Variants in RAB33B observed in about 807,000 individuals in gnomAD.
RAB33B encodes the protein ras-related protein Rab-33B.
Under a neutral mutation model 15.0 loss-of-function variants are expected in RAB33B, and 6 were observed. That is an observed-to-expected ratio of 0.40 (90% CI 0.22 to 0.79). RAB33B has a LOEUF of 0.79. RAB33B is among the 30% of genes least tolerant of loss of function. The probability of loss-of-function intolerance (pLI) is 0.37; values close to 1 mark genes in which losing one functional copy is unlikely to be tolerated. For synonymous variants in RAB33B, 117 were observed against 108.3 expected (o/e 1.08, Z -0.50); for missense variants, 257 against 296.4 (o/e 0.87, Z 0.98).
upstream of RAB33B, chr4:139,452,223 T>C (rs764652502): frequency 2.6e-5 from 4 of 152,252 alleles, no homozygotes; most frequent in Non-Finnish European, 5.9e-5. Flanking sequence ...CAGTCAGTAG[T>C]CAAGAGTTGG....
rs1313626293 is a variant in RAB33B at position 139,454,210 on chromosome 4, G to A, written c.15G>A (p.Met5Ile). 1 of 1,612,870 alleles carries A rather than the reference G, an allele frequency of 6.2e-7. No homozygotes were observed. Among genetic ancestry groups the A allele is most frequent in the Non-Finnish European group, 8.5e-7 (1 of 1,179,336 alleles). ...GGGTCGGGGGAATGGCTGAGGAGAT[G>A]GAGTCGTCGCTCGAGGCAAGCTTTT... MAEEMESSLEASFSS... is the reference protein window; with the variant it reads MAEEIESSLEASFSS... Residue 5 changes from methionine (M) to isoleucine (I), a missense_variant, in exon 1 of 2, where the codon ATG (methionine) becomes ATA (isoleucine). Physicochemically the swap from Met to Ile is conservative, Grantham distance 10. Coordinates refer to ENST00000305626, the MANE Select transcript of RAB33B (RefSeq NM_031296.3).
chr4:139,459,358 C>T (rs925082442), intron 1 of RAB33B, among the ~76,000 whole-genome samples: 1 of 152,084 alleles, frequency 6.6e-6, no homozygotes, highest in Non-Finnish European at 1.5e-5. Context: ...ATTGCTTGAG[C>T]CCAGGAGTTG....
At chr4:139,443,442 T>G in the RAB33B span, among the ~76,000 whole-genome samples, 2 of 152,216 alleles carry the variant, frequency 1.3e-5, no homozygotes, top group African/African-American at 2.4e-5. Context: ...TGGTTGGTTG[T>G]TCCTAAGTTC....
At chr4:139,464,400 T>G (rs527360570) in intron 1 of RAB33B, among the ~76,000 whole-genome samples, 9 of 149,482 alleles carry the variant, frequency 6.0e-5, no homozygotes, top group South Asian at 2.1e-4. Flanking sequence ...TTTTTTTTTT[T>G]TTTTTTTTTT....
chr4:139,458,779 A>G (rs934992921), intron 1 of RAB33B, among the ~76,000 whole-genome samples: 1 of 152,210 alleles, frequency 6.6e-6, no homozygotes, highest in Non-Finnish European at 1.5e-5. Context: ...ATACCCAATA[A>G]TGGGATTGCT....
At chr4:139,460,948 C>T (rs114608575) in intron 1 of RAB33B, among the ~76,000 whole-genome samples, 67 of 152,174 alleles carry the variant, frequency 4.4e-4, no homozygotes, top group African/African-American at 1.4e-3. Context: ...CTTACGAAGA[C>T]GAAGAAGGCA....
In RAB33B at chr4:139,472,882, A is replaced by T. The variant is rs1750417036; in HGVS notation, c.446A>T (p.Lys149Ile). The T allele has an allele frequency of 6.2e-7, 1 of 1,614,102 alleles. No homozygotes were observed. Among genetic ancestry groups the T allele is most frequent in the Non-Finnish European group, 8.5e-7 (1 of 1,180,048 alleles). Residue 149 changes from lysine (K) to isoleucine (I), a missense_variant, in exon 2 of 2, where the codon AAA becomes ATA. Transcript: ENST00000305626. ...NDIPRILVGN[K>I]CDLRSAIQVP... ...ATACCACGGATTCTTGTTGGAAATA[A>T]ATGTGACTTGAGAAGTGCCATACAG...
upstream of RAB33B, chr4:139,454,065 C>A (rs1579171422): frequency 1.8e-6 from 2 of 1,103,880 alleles, no homozygotes; most frequent in Non-Finnish European, 1.3e-6. Flanking sequence ...GCGCTCGGGG[C>A]TGGTGGGCGG....
intron 1 of RAB33B, among the ~76,000 whole-genome samples, chr4:139,468,243 C>T (rs1285824788): frequency 6.6e-6 from 1 of 152,152 alleles, no homozygotes; most frequent in Non-Finnish European, 1.5e-5. Context: ...ACCATCAGAC[C>T]TCTTGAGACT....
the RAB33B span, among the ~76,000 whole-genome samples, chr4:139,447,658 CTTTTTTT>C: frequency 9.3e-5 from 8 of 85,722 alleles, no homozygotes; most frequent in East Asian, 2.3e-3. Flanking sequence ...CAGTCTACTA[CTTTTTTT>C]TTTTTTTTTT....
chr4:139,473,763 G>A lies in RAB33B; in HGVS notation c.*637G>A, dbSNP rs1337037154. On this transcript the variant is annotated 3_prime_UTR_variant, in exon 2 of 2. Coordinates refer to ENST00000305626, the MANE Select transcript of RAB33B (RefSeq NM_031296.3). ...GACTTTAGTTCCAGTGGGATAAGAA[G>A]GCATAGAATGTTTTCTGGTTCCCAG... 1.3e-5 allele frequency: 2 copies of A among 151,972 alleles called. No individual in the cohort carries two copies. The highest frequency in any genetic ancestry group is 4.8e-5 in the African/African-American group (2 of 41,368). The allele number at this position is 151,972 out of a possible 1,614,324, so 9.4% of individuals were successfully genotyped here.
upstream of RAB33B, chr4:139,452,207 A>G (rs1350603340): frequency 6.6e-6 from 1 of 152,254 alleles, no homozygotes; most frequent in Non-Finnish European, 1.5e-5. Context: ...ATAAACAATA[A>G]ACTTCCAGTC....
At chr4:139,444,867 A>G in the RAB33B span, among the ~76,000 whole-genome samples, 1 of 152,184 alleles carries the variant, frequency 6.6e-6, no homozygotes, top group African/African-American at 2.4e-5. Flanking sequence ...AAAAAGCCAA[A>G]TGGAAGCCAT....
At chr4:139,442,405 A>AT in the RAB33B span, among the ~76,000 whole-genome samples, 24 of 152,218 alleles carry the variant, frequency 1.6e-4, no homozygotes, top group African/African-American at 4.3e-4. Flanking sequence ...GATGGTTAAT[A>AT]GTGAGTGTCA....
intron 1 of RAB33B, among the ~76,000 whole-genome samples, chr4:139,454,782 C>T (rs2111068178): frequency 6.6e-6 from 1 of 152,030 alleles, no homozygotes; most frequent in South Asian, 2.1e-4. Flanking sequence ...CTGTGTGTGT[C>T]GTGTGCTGGG....
rs1750484389 is a variant in RAB33B at position 139,475,488 on chromosome 4, T to C, written c.*2362T>C. ...TGTAACAATTTGTTTTAATTTTTTATATATATGTTTTTATTTTTAAAAAAC... is the reference window on the plus strand; with the variant it reads ...TGTAACAATTTGTTTTAATTTTTTACATATATGTTTTTATTTTTAAAAAAC... On this transcript the variant is annotated 3_prime_UTR_variant, in exon 2 of 2. Coordinates refer to ENST00000305626, the MANE Select transcript of RAB33B (RefSeq NM_031296.3). 2 of 151,986 alleles carry C rather than the reference T, an allele frequency of 1.3e-5. No individual in the cohort carries two copies. Among genetic ancestry groups the C allele is most frequent in the South Asian group, 4.1e-4 (2 of 4,836 alleles). The allele number at this position is 151,986 out of a possible 1,614,324, so 9.4% of individuals were successfully genotyped here.
upstream of RAB33B, chr4:139,450,447 G>A (rs1018994466): frequency 1.1e-4 from 16 of 152,334 alleles, no homozygotes; most frequent in East Asian, 7.7e-4. Flanking sequence ...TGTGAGAAGA[G>A]CCCTTCTGTA....
chr4:139,448,235 G>GA (rs929545238), upstream of RAB33B, among the ~76,000 whole-genome samples: 23 of 152,232 alleles, frequency 1.5e-4, no homozygotes, highest in East Asian at 5.8e-4. Flanking sequence ...ACGCCACCAG[G>GA]AAAAAAACCA....
chr4:139,446,624 C>T, the RAB33B span, among the ~76,000 whole-genome samples: 1 of 152,214 alleles, frequency 6.6e-6, no homozygotes, highest in Non-Finnish European at 1.5e-5. Flanking sequence ...TGAGTGCTCA[C>T]CAATGGGTGA....
Sources: allele counts gnomAD v4.1 joint callset (sites outside exome capture counted in the v4.1 genomes callset), GRCh38; gene constraint gnomAD v4.1.1; transcripts MANE v1.5; gene names NCBI Gene and HGNC (gene_info 2026-07-23, HGNC 2026-07-21).